Variants in PLAAT3 observed in about 807,000 individuals in gnomAD.
PLAAT3 encodes the protein Ca-independent phospholipase A1/2.
Under a neutral mutation model 16.7 loss-of-function variants are expected in PLAAT3, and 21 were observed. The observed-to-expected ratio is 1.26, with a 90% CI of 0.89 to 1.81. PLAAT3 has a LOEUF of 1.81. Among genes scored for constraint, PLAAT3 ranks in the 40% most tolerant of loss-of-function variants. The probability of loss-of-function intolerance (pLI) is 0.00; values close to 1 mark genes in which losing one functional copy is unlikely to be tolerated. For missense variants in PLAAT3, 219 were observed against 213.7 expected, an observed-to-expected ratio of 1.02 and a Z score of -0.16; for synonymous variants, 76 against 81.7, an observed-to-expected ratio of 0.93 and a Z score of 0.38.
At chr11:63,582,933 C>T (rs1054002854) in intron 4 of PLAAT3, among the ~76,000 whole-genome samples, 2 of 152,080 alleles carry the variant, frequency 1.3e-5, no homozygotes, top group Non-Finnish European at 2.9e-5. Context: ...GAGTTCGAGA[C>T]CAGCCTGACC....
At chr11:63,615,070 A>ATATGTG (rs1565259595), upstream of PLAAT3, among the ~76,000 whole-genome samples, 20 of 49,582 alleles carry the variant, frequency 4.0e-4, 1 homozygote, top group Admixed American at 1.1e-3. Context: ...ATATGTGTGT[A>ATATGTG]TATATGTGTG....
intron 2 of PLAAT3, chr11:63,598,802 G>T: frequency 2.1e-6 from 1 of 485,440 alleles, no homozygotes; most frequent in African/African-American, 2.0e-5. Flanking sequence ...TCAGTCTCCA[G>T]CAGTAATGTC....
chr11:63,575,085 G>A, intron 4 of PLAAT3, 39 bp from the exon 5 acceptor site: 1 of 1,350,252 alleles, frequency 7.4e-7, no homozygotes, highest in Middle Eastern at 1.8e-4. Context: ...TCTGTGTCAG[G>A]ATCCAGAGTA....
At chr11:63,595,319 C>A (rs1938262932) in intron 3 of PLAAT3, among the ~76,000 whole-genome samples, 1 of 148,366 alleles carries the variant, frequency 6.7e-6, no homozygotes, top group African/African-American at 2.5e-5. Context: ...AAAAGAGTGT[C>A]TATAACAGCT....
At chr11:63,584,521 T>G (rs535831165) in intron 4 of PLAAT3, among the ~76,000 whole-genome samples, 36 of 150,620 alleles carry the variant, frequency 2.4e-4, no homozygotes, top group African/African-American at 7.3e-4. Context: ...TTTTTTTGTT[T>G]TTTTTTTTTT....
chr11:63,603,329 C>T lies in PLAAT3; in HGVS notation c.16-5166G>A, dbSNP rs142934652. The stretch of plus-strand genomic sequence containing the variant: ...CCACACAGTGACCAAGGCTCTCCCA[C>T]ACAGCTCACGCAACAACAATGGCAG... On this transcript the variant is annotated intron_variant, in intron 2 of 4. Transcript: ENST00000415826. Among the ~76,000 whole-genome samples, 84 of 152,274 alleles carry T rather than the reference C, an allele frequency of 5.5e-4. No individual in the cohort carries two copies. The East Asian group carries it at 0.016, about 28-fold the overall frequency.
intron 2 of PLAAT3, among the ~76,000 whole-genome samples, chr11:63,608,160 C>T (rs550975394): frequency 8.0e-4 from 121 of 152,148 alleles, no homozygotes; most frequent in African/African-American, 1.9e-3. Flanking sequence ...CCAGCCTGGG[C>T]GACAGAGCAA....
chr11:63,591,546 T>TCTTC (rs1443883378), intron 3 of PLAAT3, among the ~76,000 whole-genome samples: 1 of 152,130 alleles, frequency 6.6e-6, no homozygotes, highest in Non-Finnish European at 1.5e-5. Flanking sequence ...TTAAACTGGG[T>TCTTC]AGGACCAGTC....
At chr11:63,584,831 A>G (rs1310276922) in intron 4 of PLAAT3, among the ~76,000 whole-genome samples, 1 of 151,868 alleles carries the variant, frequency 6.6e-6, no homozygotes, top group Non-Finnish European at 1.5e-5. Context: ...TTTGAAGGAA[A>G]ATCTAGTCTG....
chr11:63,615,036 A>ATATATATGTC, upstream of PLAAT3, among the ~76,000 whole-genome samples: 1 of 23,324 alleles, frequency 4.3e-5, no homozygotes, highest in South Asian at 4.4e-3. Context: ...ATGTGTGTAT[A>ATATATATGTC]TATATGTATA....
At chr11:63,594,732 G>A (rs747625854) in intron 3 of PLAAT3, among the ~76,000 whole-genome samples, 36 of 152,280 alleles carry the variant, frequency 2.4e-4, no homozygotes, top group South Asian at 1.5e-3. Flanking sequence ...TCTGTAGGGC[G>A]TTAAGCAGAG....
At chr11:63,608,516 G>A (rs942287217) in intron 2 of PLAAT3, 5 of 152,310 alleles carry the variant, frequency 3.3e-5, no homozygotes, top group African/African-American at 1.2e-4. Flanking sequence ...CAAGACCCCC[G>A]GCTCTGGCAC....
chr11:63,578,414 G>C (rs1163432740), intron 4 of PLAAT3, among the ~76,000 whole-genome samples: 1 of 152,156 alleles, frequency 6.6e-6, no homozygotes, highest in East Asian at 1.9e-4. Flanking sequence ...TTTAGAGCAG[G>C]GAGAAAAACA....
intron 3 of PLAAT3, among the ~76,000 whole-genome samples, chr11:63,597,365 A>C (rs951071048): frequency 6.6e-6 from 1 of 152,046 alleles, no homozygotes; most frequent in African/African-American, 2.4e-5. Context: ...TCTACTAAAA[A>C]TACAAAAAAT....
intron 4 of PLAAT3, among the ~76,000 whole-genome samples, chr11:63,578,858 C>T (rs924691702): frequency 5.1e-4 from 77 of 151,448 alleles, no homozygotes; most frequent in Non-Finnish European, 1.1e-3. Context: ...CAACGAAAGC[C>T]AAAATTGACA....
At chr11:63,601,414 A>C (rs1259017343) in intron 2 of PLAAT3, among the ~76,000 whole-genome samples, 2 of 147,816 alleles carry the variant, frequency 1.4e-5, no homozygotes, top group Admixed American at 1.4e-4. Flanking sequence ...TTTTTTTGAC[A>C]TTCAGCCAAT....
At position 63,590,248 on chromosome 11, in the gene PLAAT3, T is replaced by C. The variant is rs773332764; in HGVS notation, c.239A>G (p.His80Arg). ...GGGCAGCGGCGAGTACTTGTCATCATGTTTGTTGTTGACCTGGTACTTGTC... is the reference window on the plus strand; with the variant it reads ...GGGCAGCGGCGAGTACTTGTCATCACGTTTGTTGTTGACCTGGTACTTGTC... Reference protein sequence around the residue: ...GSDKYQVNNKHDDKYSPLPCS... With the variant: ...GSDKYQVNNKRDDKYSPLPCS... The change falls in exon 4 of 5, where the codon CAT becomes CGT. Residue 80 changes from histidine (H) to arginine (R), a missense_variant. Transcript: ENST00000415826. The C allele has an allele frequency of 3.2e-5, 52 of 1,614,240 alleles. No homozygotes were observed. The highest frequency in any genetic ancestry group is 2.0e-4 in the Admixed American group (12 of 60,034).
chr11:63,595,734 G>C (rs1020594554), intron 3 of PLAAT3, among the ~76,000 whole-genome samples: 3 of 152,096 alleles, frequency 2.0e-5, no homozygotes, highest in Non-Finnish European at 4.4e-5. Context: ...ACTTTACTAT[G>C]CTTGTACATT....
chr11:63,611,779 ATCAC>A (rs1290443309), intron 2 of PLAAT3, among the ~76,000 whole-genome samples: 2 of 152,252 alleles, frequency 1.3e-5, no homozygotes. Context: ...AAGGTTCACT[ATCAC>A]TCAGCCATTT....
Sources: allele counts gnomAD v4.1 joint callset (sites outside exome capture counted in the v4.1 genomes callset), GRCh38; gene constraint gnomAD v4.1.1; transcripts MANE v1.5; gene names NCBI Gene and HGNC (gene_info 2026-07-23, HGNC 2026-07-21).